Variants in PHTF1 observed in about 807,000 individuals in gnomAD.
PHTF1 encodes protein PHTF1.
A neutral mutation model predicts 102.4 loss-of-function variants in PHTF1; 88 were observed. That is an observed-to-expected ratio of 0.86 (90% confidence interval 0.72 to 1.03). PHTF1 has a LOEUF of 1.03. Ranked by LOEUF, PHTF1 falls within the 50% of genes least tolerant of loss-of-function variation. The pLI is 0.00. For synonymous variants in PHTF1, 289 were observed against 305.2 expected, an observed-to-expected ratio of 0.95 and a Z score of 0.55; for missense variants, 814 against 909.5, an observed-to-expected ratio of 0.89 and a Z score of 1.35.
chr1:113,751,380 G>A (rs1451586057), intron 3 of PHTF1, among the ~76,000 whole-genome samples: 3 of 152,084 alleles, frequency 2.0e-5, no homozygotes, highest in Non-Finnish European at 4.4e-5. Context: ...CTTTCTGCCT[G>A]TTTGCAGGAA....
chr1:113,700,049 T>G, intron 16 of PHTF1: 1 of 1,127,076 alleles, frequency 8.9e-7, no homozygotes, highest in Non-Finnish European at 1.1e-6. Flanking sequence ...CAATGAAAAA[T>G]TTTAATATTA....
In PHTF1 at chr1:113,698,260, ACT is replaced by A. The variant is rs773959494; in HGVS notation, c.2268_2268+1del. The A allele has an allele frequency of 3.1e-6, 5 of 1,603,506 alleles. No homozygotes were observed. In the African/African-American group the frequency reaches 6.7e-5, roughly 21 times the overall value. The stretch of plus-strand genomic sequence containing the variant: ...ATGCTACAGAGTGGTGGTGATACTT[ACT>A]CTTATATTAAATCCTAGAAGATCAC... On this transcript the variant is annotated splice_donor_variant and coding_sequence_variant, in exon 18 of 19. Transcript: ENST00000369604. LOFTEE classifies it high-confidence loss of function.
intron 7 of PHTF1, among the ~76,000 whole-genome samples, chr1:113,722,316 G>T (rs1483646287): frequency 6.6e-6 from 1 of 151,830 alleles, no homozygotes; most frequent in Non-Finnish European, 1.5e-5. Flanking sequence ...GCGGGTGCCT[G>T]TAGTCCCAGC....
At chr1:113,700,021 G>T in intron 16 of PHTF1, 3 of 993,840 alleles carry the variant, frequency 3.0e-6, no homozygotes, top group South Asian at 6.6e-5. Flanking sequence ...TAATGATGAA[G>T]CAATTTAAAT....
intron 15 of PHTF1, 87 bp from the exon 16 acceptor site, chr1:113,701,036 T>C: frequency 9.8e-7 from 1 of 1,020,598 alleles, no homozygotes; most frequent in Non-Finnish European, 1.5e-6. Context: ...TTAAGAACAT[T>C]TCCAAAAATC....
At chr1:113,735,901 C>T (rs1655412662) in intron 5 of PHTF1, among the ~76,000 whole-genome samples, 1 of 152,166 alleles carries the variant, frequency 6.6e-6, no homozygotes, top group East Asian at 1.9e-4. Context: ...ATACTGTCTA[C>T]TTCCTTGGTA....
chr1:113,746,859 CTTGA>C (rs1374074785), intron 3 of PHTF1: 1 of 911,136 alleles, frequency 1.1e-6, no homozygotes, highest in Non-Finnish European at 1.3e-6. Flanking sequence ...CTTCCTTACC[CTTGA>C]TTCATACATC....
chr1:113,745,935 A>G lies in PHTF1; in HGVS notation c.103-7136T>C, dbSNP rs1295985031. Among the ~76,000 whole-genome samples, 3 of 152,168 alleles carry G rather than the reference A, an allele frequency of 2.0e-5. No individual in the cohort carries two copies. The East Asian group carries it at 5.8e-4, about 29-fold the overall frequency. On this transcript the variant is annotated intron_variant, in intron 3 of 18. Transcript: ENST00000369604. Reference sequence around the variant, plus strand: ...TGTAATGTGCTTGAATCATTGTAAAACCATCCCCCCACACCAGTCCATGGA... The same window carrying G: ...TGTAATGTGCTTGAATCATTGTAAAGCCATCCCCCCACACCAGTCCATGGA...
At chr1:113,704,910 A>T (rs1649898929) in intron 13 of PHTF1, 113 bp from the exon 14 acceptor site, 1 of 795,580 alleles carries the variant, frequency 1.3e-6, no homozygotes. Flanking sequence ...TGAAGTTCTA[A>T]TCAGTGTTCA....
intron 11 of PHTF1, among the ~76,000 whole-genome samples, chr1:113,707,875 T>C (rs1650455426): frequency 6.6e-6 from 1 of 152,154 alleles, no homozygotes; most frequent in African/African-American, 2.4e-5. Context: ...AGCCAAGACC[T>C]GCCTGGAAAT....
At chr1:113,747,358 C>G (rs959736273) in intron 3 of PHTF1, among the ~76,000 whole-genome samples, 2 of 152,176 alleles carry the variant, frequency 1.3e-5, no homozygotes, top group Non-Finnish European at 2.9e-5. Context: ...TCTTTAAACT[C>G]CCTCTGTTAC....
chr1:113,733,085 T>TTTG (rs71090728), intron 5 of PHTF1, among the ~76,000 whole-genome samples: 5 of 147,262 alleles, frequency 3.4e-5, no homozygotes, highest in Non-Finnish European at 3.0e-5. Context: ...TTTTTTTTTT[T>TTTG]GTAGAGATGG....
chr1:113,699,999 G>T, intron 16 of PHTF1, 200 bp from the exon 17 acceptor site: 1 of 887,514 alleles, frequency 1.1e-6, no homozygotes, highest in Non-Finnish European at 1.5e-6. Flanking sequence ...AAACTATTTA[G>T]TGATGAAAAA....
intron 5 of PHTF1, among the ~76,000 whole-genome samples, chr1:113,728,687 T>G (rs1654194900): frequency 6.6e-6 from 1 of 152,188 alleles, no homozygotes; most frequent in South Asian, 2.1e-4. Flanking sequence ...AGTGAGCAGA[T>G]CACTTGAGGT....
chr1:113,731,586 G>A (rs1654648789), intron 5 of PHTF1, among the ~76,000 whole-genome samples: 1 of 151,666 alleles, frequency 6.6e-6, no homozygotes, highest in African/African-American at 2.4e-5. Flanking sequence ...AAGGTTTACT[G>A]AGGGATAAAC....
intron 7 of PHTF1, chr1:113,714,919 A>G (rs1399014292): frequency 6.6e-6 from 1 of 152,360 alleles, no homozygotes; most frequent in Non-Finnish European, 1.5e-5. Flanking sequence ...CAAGCAGCTC[A>G]GCACAGAGAG....
chr1:113,711,802 C>G lies in PHTF1; in HGVS notation c.991G>C (p.Val331Leu). The change falls in exon 10 of 19, where the codon GTG (valine) becomes CTG (leucine). Residue 331 changes from valine to leucine, a missense_variant. Physicochemically the swap from Val to Leu is conservative, Grantham distance 32. Coordinates refer to ENST00000369604, the MANE Select transcript of PHTF1 (RefSeq NM_001323043.2). ...TCAGCCAGACTATCTGAATCCCGCA[C>G]AATATGACACCACCTTGTAGTGGTT... ...KKTTTRWCHI[V>L]RDSDSLAESE... 1 of 1,614,044 alleles carries G rather than the reference C, an allele frequency of 6.2e-7. No individual in the cohort carries two copies. The highest frequency in any genetic ancestry group is 1.1e-5 in the South Asian group (1 of 91,072).
intron 7 of PHTF1, 38 bp from the exon 8 acceptor site, chr1:113,713,476 A>C: frequency 8.6e-7 from 1 of 1,164,456 alleles, no homozygotes; most frequent in South Asian, 1.4e-5. Context: ...TAATTTTTTG[A>C]AAGTAACACC....
At position 113,748,651 on chromosome 1, in the gene PHTF1, G is replaced by A. The variant is rs527841237; in HGVS notation, c.102+9048C>T. On this transcript the variant is annotated intron_variant, in intron 3 of 18. Transcript: ENST00000369604. ...CCAGGCTCAGATGATCTCCCACCTC[G>A]GCCTCCTAAGTAGCTGGGACTACAG... 7.9e-5 allele frequency among the ~76,000 whole-genome samples: 12 copies of A among 152,004 alleles called. No individual in the cohort carries two copies. The East Asian group carries it at 1.9e-3, about 24-fold the overall frequency.
Sources: gnomAD v4.1 joint callset for allele counts (sites outside exome capture counted in the v4.1 genomes callset) on GRCh38, gnomAD v4.1.1 for gene constraint, MANE v1.5 for transcripts, NCBI Gene and HGNC (gene_info 2026-07-23, HGNC 2026-07-21) for gene names.